Variants in ITPR1 observed in about 807,000 individuals in gnomAD.
ITPR1 encodes inositol 1,4,5-trisphosphate-gated calcium channel ITPR1.
In ITPR1, 96 loss-of-function variants were observed where a neutral mutation model predicts 318.4. The observed-to-expected ratio is 0.30, with a 90% CI of 0.26 to 0.36. The LOEUF is 0.36. Among genes scored for constraint, ITPR1 ranks in the 10% least tolerant of loss-of-function variants. The probability of loss-of-function intolerance (pLI) is 1.00; values close to 1 mark genes in which losing one functional copy is unlikely to be tolerated. For synonymous variants in ITPR1, 1,312 were observed against 1,289.9 expected, an observed-to-expected ratio of 1.02 and a Z score of -0.37; for missense variants, 2,440 against 3,460.2, an observed-to-expected ratio of 0.71 and a Z score of 7.40.
At chr3:4,546,833 T>C (rs1457210629) in intron 4 of ITPR1, among the ~76,000 whole-genome samples, 1 of 149,688 alleles carries the variant, frequency 6.7e-6, no homozygotes, top group African/African-American at 2.5e-5. Flanking sequence ...CATACCACCC[T>C]GAAGGAAGTG....
At chr3:4,496,418 A>G (rs304070) in intron 2 of ITPR1, among the ~76,000 whole-genome samples, 93,366 of 152,044 alleles carry the variant, frequency 0.61, 28,833 homozygotes, top group East Asian at 0.79. Flanking sequence ...TATCATTCTT[A>G]TCAGGCAGGG....
intron 61 of ITPR1, among the ~76,000 whole-genome samples, chr3:4,845,070 T>C (rs914230050): frequency 6.6e-6 from 1 of 152,216 alleles, no homozygotes; most frequent in South Asian, 2.1e-4. Flanking sequence ...ACCAATCAGC[T>C]AGGAATTATC....
Position 4,699,948 on chromosome 3 carries a change from A to T in ITPR1, c.4536+7A>T. ...CCAGAGTACGACTTTGCAGGTAAGA[A>T]ATAACCAACGTCAAGCAGAATGTTC... On this transcript the variant is annotated splice_region_variant and intron_variant, in intron 35 of 61. Transcript: ENST00000649015. 6.2e-7 allele frequency: 1 copy of T among 1,611,654 alleles called. No individual in the cohort carries two copies. Among genetic ancestry groups the T allele is most frequent in the East Asian group, 2.2e-5 (1 of 44,818 alleles).
At chr3:4,832,399 A>C (rs2050581549) in intron 60 of ITPR1, among the ~76,000 whole-genome samples, 1 of 152,168 alleles carries the variant, frequency 6.6e-6, no homozygotes, top group Admixed American at 6.5e-5. Flanking sequence ...GTGTTTTAAC[A>C]TTTGATTGAG....
At chr3:4,584,247 C>T (rs75564997) in intron 4 of ITPR1, among the ~76,000 whole-genome samples, 2 of 152,104 alleles carry the variant, frequency 1.3e-5, no homozygotes, top group Admixed American at 1.3e-4. Flanking sequence ...CACCTCACCC[C>T]CTTCTTGTCC....
At chr3:4,682,092 C>T (rs2094313933) in intron 26 of ITPR1, among the ~76,000 whole-genome samples, 1 of 152,138 alleles carries the variant, frequency 6.6e-6, no homozygotes, top group Admixed American at 6.5e-5. Flanking sequence ...GGATTCAAAC[C>T]ACCACCATTT....
Position 4,783,819 on chromosome 3 carries a change from G to A in ITPR1, c.6514G>A (p.Ala2172Thr). Residue 2172 changes from alanine (A) to threonine (T), a missense_variant, in exon 51 of 62, where the codon GCT (alanine) becomes ACT (threonine). Ala to Thr is a moderately conservative substitution (Grantham distance 58). Coordinates refer to ENST00000649015, the MANE Select transcript of ITPR1 (RefSeq NM_001378452.1). ...HNIYILAHQL[A>T]RHNKELQSML... ...TATCTCTGTCCCTGTATTCTAGTTG[G>A]CTCGGCATAACAAAGAACTTCAGAG... The A allele has an allele frequency of 1.3e-6, 2 of 1,599,602 alleles. No individual in the cohort carries two copies. Among genetic ancestry groups the A allele is most frequent in the Non-Finnish European group, 1.7e-6 (2 of 1,172,822 alleles).
intron 44 of ITPR1, among the ~76,000 whole-genome samples, chr3:4,762,599 G>A (rs546710914): frequency 6.6e-6 from 1 of 152,308 alleles, no homozygotes; most frequent in South Asian, 2.1e-4. Context: ...CCATCAGTTT[G>A]CACTGTACTA....
At chr3:4,831,008 T>C (rs530870912) in intron 60 of ITPR1, 3 of 456,524 alleles carry the variant, frequency 6.6e-6, no homozygotes, top group Middle Eastern at 3.2e-4. Flanking sequence ...GAACAGCCTC[T>C]TCTTTTGAAC....
intron 36 of ITPR1, among the ~76,000 whole-genome samples, chr3:4,703,781 C>T (rs962052096): frequency 2.6e-5 from 4 of 152,282 alleles, no homozygotes; most frequent in Admixed American, 1.3e-4. Flanking sequence ...GGTAGTCTCT[C>T]GCCCAGTTCC....
intron 24 of ITPR1, 51 bp downstream of exon 24, chr3:4,676,852 T>C (rs1450315262): frequency 7.0e-7 from 1 of 1,419,126 alleles, no homozygotes; most frequent in Admixed American, 1.9e-5. Flanking sequence ...AGAGGCGCCA[T>C]TCAGATCCAG....
intron 51 of ITPR1, among the ~76,000 whole-genome samples, chr3:4,786,179 C>G (rs2047186220): frequency 6.6e-6 from 1 of 152,220 alleles, no homozygotes; most frequent in Non-Finnish European, 1.5e-5. Flanking sequence ...CTATATGAAG[C>G]AGGCAGGCTC....
At chr3:4,681,622 A>AGT (rs1491390120) in intron 26 of ITPR1, among the ~76,000 whole-genome samples, 1 of 51,148 alleles carries the variant, frequency 2.0e-5, no homozygotes, top group African/African-American at 9.0e-5. Context: ...AGAGAGAGAG[A>AGT]AAGTGTGTGT....
At position 4,733,076 on chromosome 3, in the gene ITPR1, G is replaced by T; in HGVS notation, c.5221-12G>T. 1.2e-6 allele frequency: 2 copies of T among 1,610,460 alleles called. No individual in the cohort carries two copies. The highest frequency in any genetic ancestry group is 1.7e-6 in the Non-Finnish European group (2 of 1,178,190). On this transcript the variant is annotated splice_polypyrimidine_tract_variant and intron_variant, in intron 42 of 61. Transcript: ENST00000649015. ...ATGCAGAAGCTGATTTTATTATCCT[G>T]TTTGAATTAAGGGTGAGGCGCTCAG...
chr3:4,733,249 G>C (rs565281403), intron 43 of ITPR1, 29 bp downstream of exon 43: 13 of 1,611,450 alleles, frequency 8.1e-6, no homozygotes, highest in African/African-American at 1.3e-5. Flanking sequence ...TTACCTTCGT[G>C]TGTGAATCAA....
chr3:4,708,995 A>C (rs1372944320), intron 37 of ITPR1, among the ~76,000 whole-genome samples: 1 of 152,234 alleles, frequency 6.6e-6, no homozygotes, highest in Non-Finnish European at 1.5e-5. Flanking sequence ...TGTAAAGTTC[A>C]AACTGTGCAA....
At chr3:4,570,068 T>G (rs1306754780) in intron 4 of ITPR1, among the ~76,000 whole-genome samples, 1 of 152,178 alleles carries the variant, frequency 6.6e-6, no homozygotes, top group Non-Finnish European at 1.5e-5. Flanking sequence ...ATTTTTACAC[T>G]CATACTTTGA....
At chr3:4,788,827 TATCTGTTC>T (rs1438325640) in intron 52 of ITPR1, among the ~76,000 whole-genome samples, 1 of 152,228 alleles carries the variant, frequency 6.6e-6, no homozygotes, top group African/African-American at 2.4e-5. Context: ...GCTTGATTTC[TATCTGTTC>T]ATCAGGAGCC....
At chr3:4,593,821 A>T (rs538496754) in intron 4 of ITPR1, among the ~76,000 whole-genome samples, 1 of 152,336 alleles carries the variant, frequency 6.6e-6, no homozygotes, top group East Asian at 1.9e-4. Context: ...TGGGAGAAGA[A>T]GCTGGAAATG....
Sources: allele counts gnomAD v4.1 joint callset (sites outside exome capture counted in the v4.1 genomes callset), GRCh38; gene constraint gnomAD v4.1.1; transcripts MANE v1.5; gene names NCBI Gene and HGNC (gene_info 2026-07-23, HGNC 2026-07-21).